Variants in PDSS2 observed in about 807,000 individuals in gnomAD.
PDSS2 encodes decaprenyl diphosphate synthase subunit 2, also known as all trans-polyprenyl-diphosphate synthase PDSS2.
PDSS2 carries 31 observed loss-of-function variants against 44.5 expected under a neutral mutation model. The ratio of observed to expected loss-of-function variants is 0.70; its 90% CI spans 0.52 to 0.94. The LOEUF (loss-of-function observed/expected upper bound fraction) is 0.94, where lower values mean the gene tolerates loss of function less well. Ranked by LOEUF, PDSS2 falls within the 40% of genes least tolerant of loss-of-function variation. The probability of loss-of-function intolerance (pLI) is 0.00; values close to 1 mark genes in which losing one functional copy is unlikely to be tolerated. For missense variants in PDSS2, 452 were observed against 482.2 expected, an observed-to-expected ratio of 0.94 and a Z score of 0.59; for synonymous variants, 157 against 180.3, an observed-to-expected ratio of 0.87 and a Z score of 1.03.
chr6:107,377,329 C>T (rs1779315940), intron 1 of PDSS2, among the ~76,000 whole-genome samples: 1 of 152,160 alleles, frequency 6.6e-6, no homozygotes, highest in Non-Finnish European at 1.5e-5. Flanking sequence ...ATCAAAACCA[C>T]AATAACATAC....
intron 7 of PDSS2, among the ~76,000 whole-genome samples, chr6:107,160,355 T>C (rs1180968663): frequency 2.0e-5 from 3 of 152,126 alleles, no homozygotes; most frequent in Non-Finnish European, 4.4e-5. Context: ...CAACTTTAAC[T>C]GAAAGAGATT....
chr6:107,404,211 C>G (rs1203606077), intron 1 of PDSS2, among the ~76,000 whole-genome samples: 1 of 152,178 alleles, frequency 6.6e-6, no homozygotes. Context: ...TTCCTCATCT[C>G]CATCTGAGAC....
At chr6:107,192,292 G>T in intron 7 of PDSS2, 1 of 441,204 alleles carries the variant, frequency 2.3e-6, no homozygotes, top group Non-Finnish European at 4.3e-6. Flanking sequence ...GATAAAAGGA[G>T]AGACGGTCCC....
intron 1 of PDSS2, among the ~76,000 whole-genome samples, chr6:107,388,914 G>C (rs1273261233): frequency 6.6e-6 from 1 of 152,182 alleles, no homozygotes; most frequent in East Asian, 1.9e-4. Flanking sequence ...CACACAATGA[G>C]ATGGATAAAT....
At chr6:107,293,596 C>T (rs1369783119) in intron 2 of PDSS2, among the ~76,000 whole-genome samples, 5 of 152,132 alleles carry the variant, frequency 3.3e-5, no homozygotes, top group African/African-American at 1.2e-4. Flanking sequence ...AAAGAGCACA[C>T]TGGAGTTTCC....
chr6:107,186,703 T>G (rs185492711), intron 7 of PDSS2, among the ~76,000 whole-genome samples: 2 of 152,104 alleles, frequency 1.3e-5, no homozygotes, highest in Non-Finnish European at 2.9e-5. Flanking sequence ...AGTGAGAACA[T>G]GCGGTGTTTG....
chr6:107,451,778 C>G (rs1233766970), intron 1 of PDSS2, among the ~76,000 whole-genome samples: 1 of 152,152 alleles, frequency 6.6e-6, no homozygotes, highest in African/African-American at 2.4e-5. Context: ...GGGGCCTTTG[C>G]AGCCTCCAAT....
chr6:107,168,515 C>T (rs1554247936), intron 7 of PDSS2, among the ~76,000 whole-genome samples: 2 of 151,516 alleles, frequency 1.3e-5, no homozygotes, highest in Non-Finnish European at 2.9e-5. Flanking sequence ...TTGATCCTGT[C>T]ATTATGATGT....
chr6:107,228,534 A>T (rs7738680), intron 4 of PDSS2, among the ~76,000 whole-genome samples: 32,080 of 151,850 alleles, frequency 0.21, 3,910 homozygotes, highest in East Asian at 0.36. Flanking sequence ...TCTCTACTAA[A>T]AATACAAAAA....
intron 1 of PDSS2, among the ~76,000 whole-genome samples, chr6:107,454,920 G>A (rs553209029): frequency 2.2e-4 from 33 of 152,276 alleles, no homozygotes; most frequent in African/African-American, 7.2e-4. Context: ...TGTGTACAGT[G>A]TATATACAAA....
chr6:107,224,888 C>T (rs1033743622), intron 4 of PDSS2, among the ~76,000 whole-genome samples: 2 of 150,280 alleles, frequency 1.3e-5, no homozygotes, highest in Non-Finnish European at 2.9e-5. Context: ...CCAGGAATGG[C>T]TCAGCTGGCT....
At chr6:107,165,176 C>T (rs1437900214) in intron 7 of PDSS2, among the ~76,000 whole-genome samples, 1 of 152,144 alleles carries the variant, frequency 6.6e-6, no homozygotes, top group East Asian at 1.9e-4. Context: ...TAATTAGATC[C>T]CATTTGTCAA....
intron 2 of PDSS2, among the ~76,000 whole-genome samples, chr6:107,315,299 A>C (rs1178006631): frequency 2.0e-5 from 3 of 152,224 alleles, no homozygotes; most frequent in Admixed American, 2.0e-4. Context: ...ATAGATACTT[A>C]ATGGATTTTG....
chr6:107,236,821 C>T (rs1205389129), intron 4 of PDSS2, among the ~76,000 whole-genome samples: 1 of 152,070 alleles, frequency 6.6e-6, no homozygotes, highest in Non-Finnish European at 1.5e-5. Flanking sequence ...GTTCACATTA[C>T]CCTCCTGTTA....
At chr6:107,199,166 T>C (rs926069808) in intron 6 of PDSS2, among the ~76,000 whole-genome samples, 1 of 152,230 alleles carries the variant, frequency 6.6e-6, no homozygotes, top group African/African-American at 2.4e-5. Flanking sequence ...ATTTAACAAA[T>C]ACTCATTCAG....
intron 1 of PDSS2, among the ~76,000 whole-genome samples, chr6:107,410,437 A>G (rs1024281347): frequency 1.3e-5 from 2 of 151,968 alleles, no homozygotes; most frequent in Non-Finnish European, 2.9e-5. Flanking sequence ...TTTCTTACAC[A>G]AAGGATAGCA....
At chr6:107,435,953 A>AG (rs976528629) in intron 1 of PDSS2, among the ~76,000 whole-genome samples, 12 of 152,112 alleles carry the variant, frequency 7.9e-5, no homozygotes, top group South Asian at 2.1e-4. Flanking sequence ...AATTGCGAAA[A>AG]AAAAATGAAA....
chr6:107,282,610 A>T (rs2114982538), intron 2 of PDSS2, among the ~76,000 whole-genome samples: 1 of 151,706 alleles, frequency 6.6e-6, no homozygotes, highest in Non-Finnish European at 1.5e-5. Context: ...TCATGCCTGT[A>T]ATCCCAGCAC....
intron 2 of PDSS2, among the ~76,000 whole-genome samples, chr6:107,330,725 C>T (rs533147924): frequency 6.6e-6 from 1 of 152,264 alleles, no homozygotes; most frequent in East Asian, 1.9e-4. Context: ...TTTAGTAATA[C>T]TTGACTGGCT....
Sources: allele counts gnomAD v4.1 joint callset (sites outside exome capture counted in the v4.1 genomes callset), GRCh38; gene constraint gnomAD v4.1.1; transcripts MANE v1.5; gene names NCBI Gene and HGNC (gene_info 2026-07-23, HGNC 2026-07-21).